FGD3: variants seen among roughly 807,000 people sequenced by gnomAD.
FGD3 encodes FYVE, RhoGEF and PH domain containing 3.
In FGD3, 45 loss-of-function variants were observed where a neutral mutation model predicts 71.8. The observed-to-expected ratio is 0.63, with a 90% CI of 0.49 to 0.80. FGD3 has a LOEUF of 0.80. FGD3 is among the 30% of genes least tolerant of loss of function. The probability of loss-of-function intolerance (pLI) is 0.00; values close to 1 mark genes in which losing one functional copy is unlikely to be tolerated. For synonymous variants in FGD3, 378 were observed against 392.8 expected, an observed-to-expected ratio of 0.96 and a Z score of 0.44; for missense variants, 844 against 951.5, an observed-to-expected ratio of 0.89 and a Z score of 1.49.
rs1389543601 is a variant in FGD3, at chr9:92,969,424, C to CT, written c.-217-5813dup. 2.0e-5 allele frequency among the ~76,000 whole-genome samples: 3 copies of CT among 152,176 alleles called. No individual in the cohort carries two copies. Among genetic ancestry groups the CT allele is most frequent in the African/African-American group, 7.2e-5 (3 of 41,444 alleles). ...AGTTACAGCGAGTCTCTTAGGGGCT[C>CT]TGTATTTAGGGGAGGGATGTCAGAG... On this transcript the variant is annotated intron_variant, in intron 1 of 17. Transcript: ENST00000375482. The surrounding 1 kb of genome is among the most constrained non-coding windows in gnomAD (Gnocchi z 4.5).
chr9:93,035,024 G>T (rs933296198), intron 17 of FGD3, among the ~76,000 whole-genome samples: 1 of 152,184 alleles, frequency 6.6e-6, no homozygotes, highest in African/African-American at 2.4e-5. Flanking sequence ...TCTGTCACAG[G>T]GGCTGGCCTG....
chr9:92,987,026 A>G (rs1860211457), intron 3 of FGD3, among the ~76,000 whole-genome samples: 1 of 152,244 alleles, frequency 6.6e-6, no homozygotes. Flanking sequence ...AAAGAGGCAG[A>G]CTTGCCTCCG....
chr9:92,985,416 C>T (rs1360947087), intron 3 of FGD3, among the ~76,000 whole-genome samples: 1 of 152,152 alleles, frequency 6.6e-6, no homozygotes. Flanking sequence ...TATTTCTTCC[C>T]AGTTAATTTT....
Position 93,004,007 on chromosome 9 carries a change from T to C in FGD3, c.550T>C (p.Cys184Arg). ...KRLHLLDQVFCTRLTDAGIPP... is the reference protein window; with the variant it reads ...KRLHLLDQVFRTRLTDAGIPP... ...TGGGCTTCTCTATGCTCAGGTTTTC[T>C]GCACCAGGCTGACGGATGCGGGGAT... The change falls in exon 5 of 18, where the codon TGC becomes CGC. Residue 184 changes from cysteine to arginine, a missense_variant. Transcript: ENST00000375482. The C allele has an allele frequency of 6.2e-7, 1 of 1,614,190 alleles. No individual in the cohort carries two copies. Among genetic ancestry groups the C allele is most frequent in the Non-Finnish European group, 8.5e-7 (1 of 1,180,036 alleles).
At position 93,028,995 on chromosome 9, in the gene FGD3, GTTT is replaced by G. The variant is rs869235976; in HGVS notation, c.1558-839_1558-837del. ...CATGGCTTCCTCACATGTCCTCACA[GTTT>G]TTTTTTTTTTTTTTTTTTTTTTTTT... On this transcript the variant is annotated intron_variant, in intron 14 of 17. Transcript: ENST00000375482. 3.2e-3 allele frequency among the ~76,000 whole-genome samples: 167 copies of G among 51,714 alleles called. 11 individuals carry two copies. Among genetic ancestry groups the G allele is most frequent in the Admixed American group, 4.1e-3 (13 of 3,152 alleles). 33.9% of individuals were successfully genotyped at this position (51,714 alleles called of 152,430 possible).
chr9:92,951,405 G>T (rs948972678), intron 1 of FGD3, among the ~76,000 whole-genome samples: 2 of 152,212 alleles, frequency 1.3e-5, no homozygotes, highest in African/African-American at 4.8e-5. Context: ...AGCCAAACAG[G>T]ATGGCTCATG....
At chr9:92,970,373 G>C (rs1032049794) in intron 1 of FGD3, among the ~76,000 whole-genome samples, 1 of 152,210 alleles carries the variant, frequency 6.6e-6, no homozygotes, top group East Asian at 1.9e-4. Flanking sequence ...CAAGCACAAG[G>C]TTGAGGACTG....
chr9:92,949,056 G>T (rs1313166821), intron 1 of FGD3, among the ~76,000 whole-genome samples: 5 of 152,152 alleles, frequency 3.3e-5, no homozygotes, highest in Admixed American at 1.3e-4. Context: ...CTTTAGTTGG[G>T]CTCCTAGGGG....
In FGD3 at chr9:92,976,217, G is replaced by A; in HGVS notation, c.-40G>A. 2 of 1,476,584 alleles carry A rather than the reference G, an allele frequency of 1.4e-6. No individual in the cohort carries two copies. The highest frequency in any genetic ancestry group is 9.0e-7 in the Non-Finnish European group (1 of 1,106,914). 91.5% of individuals were successfully genotyped at this position (1,476,584 alleles called of 1,614,324 possible). On this transcript the variant is annotated 5_prime_UTR_variant, in exon 3 of 18. Coordinates refer to ENST00000375482, the MANE Select transcript of FGD3 (RefSeq NM_001083536.2). ...TGTTTCTCCCCTACAGGAAGCCCCT[G>A]GCCAGCCTCCACCTGAGCCCAGTGA...
In FGD3 at chr9:93,003,109, C is replaced by T. The variant is rs900431511; in HGVS notation, c.543+95C>T. ...AATGACTTAAATACTAAAACTCAGA[C>T]AAATTTAAGTCTGGTCTACAAACTT... On this transcript the variant is annotated intron_variant, in intron 4 of 17. Coordinates refer to ENST00000375482, the MANE Select transcript of FGD3 (RefSeq NM_001083536.2). This position sits in a 1 kb window ranked among gnomAD's most constrained non-coding sequence, Gnocchi z 4.1. 5 of 1,170,214 alleles carry T rather than the reference C, an allele frequency of 4.3e-6. No homozygotes were observed. The African/African-American group carries it at 6.2e-5, about 15-fold the overall frequency. 72.5% of individuals were successfully genotyped at this position (1,170,214 alleles called of 1,614,324 possible).
chr9:92,959,330 A>T, intron 1 of FGD3, among the ~76,000 whole-genome samples: 1 of 152,032 alleles, frequency 6.6e-6, no homozygotes, highest in Middle Eastern at 3.4e-3. Context: ...ATTTTAGTTA[A>T]TAAAATATAA....
intron 3 of FGD3, among the ~76,000 whole-genome samples, chr9:92,996,952 T>C (rs938592162): frequency 3.9e-5 from 6 of 152,256 alleles, no homozygotes; most frequent in Non-Finnish European, 8.8e-5. Flanking sequence ...ATTTATATTC[T>C]GTTGATCTGG....
chr9:92,974,254 G>A (rs1859641091), intron 1 of FGD3, among the ~76,000 whole-genome samples: 1 of 152,070 alleles, frequency 6.6e-6, no homozygotes, highest in Admixed American at 6.5e-5. Flanking sequence ...CATTCCATCT[G>A]GTGTATTTTT....
Position 93,034,603 on chromosome 9 carries a change from C to T in FGD3, c.1848C>T (p.Ser616=), listed in dbSNP as rs781723786. 11 of 1,613,522 alleles carry T rather than the reference C, an allele frequency of 6.8e-6. No individual in the cohort carries two copies. The highest frequency in any genetic ancestry group is 1.6e-4 in the Middle Eastern group (1 of 6,062). ...GCGGCCCCCTGCGGCTGTCAGAGAG[C>T]GGTGAGACCTGGAGCGAGGTGTGGG... is the stretch of plus-strand genomic sequence containing the variant. ...LLCGPLRLSE[S]GETWSEVWAA... The change falls in exon 17 of 18, where the codon AGC becomes AGT. Residue 616 remains serine (S), a synonymous_variant. Transcript: ENST00000375482.
chr9:92,960,434 T>C (rs1249774868), intron 1 of FGD3, among the ~76,000 whole-genome samples: 1 of 152,166 alleles, frequency 6.6e-6, no homozygotes, highest in Non-Finnish European at 1.5e-5. Context: ...TTGGTAAATA[T>C]GAGCTGCCTT....
At position 93,015,793 on chromosome 9, in the gene FGD3, C is replaced by G. The variant is rs1280647633; in HGVS notation, c.1239C>G (p.Phe413Leu). The part of the protein sequence containing the change: ...VPKLRLMGQK[F>L]SVREKMDISG... ...AGCTGCGGCTCATGGGCCAGAAGTT[C>G]AGCGTCCGGGAGAAGATGGACATCT... The change falls in exon 10 of 18, where the codon TTC (phenylalanine) becomes TTG (leucine). Residue 413 changes from phenylalanine to leucine, a missense_variant. Transcript: ENST00000375482. 2.5e-6 allele frequency: 4 copies of G among 1,614,038 alleles called. No individual in the cohort carries two copies. Among genetic ancestry groups the G allele is most frequent in the Non-Finnish European group, 2.5e-6 (3 of 1,180,040 alleles).
rs944121881 is a variant in FGD3 at position 92,950,644 on chromosome 9, C to A, written c.-218+2915C>A. 5.9e-5 allele frequency among the ~76,000 whole-genome samples: 9 copies of A among 152,256 alleles called. 1 individual carries two copies. The highest frequency in any genetic ancestry group is 5.8e-4 in the East Asian group (3 of 5,190). ...GACTGATGGTGGGGAAAGAAGGGGG[C>A]AGGAGGGGTTCATTCAAGGCTGGCA... On this transcript the variant is annotated intron_variant, in intron 1 of 17. Coordinates refer to ENST00000375482, the MANE Select transcript of FGD3 (RefSeq NM_001083536.2).
At chr9:92,998,758 G>T (rs1587841358) in intron 3 of FGD3, among the ~76,000 whole-genome samples, 1 of 152,120 alleles carries the variant, frequency 6.6e-6, no homozygotes, top group Admixed American at 6.6e-5. Flanking sequence ...TGTTTGCCTG[G>T]GTATCACAAG....
In FGD3 at chr9:92,976,327, C is replaced by T. The variant is rs780346658; in HGVS notation, c.71C>T (p.Pro24Leu). 109 of 1,610,422 alleles carry T rather than the reference C, an allele frequency of 6.8e-5. No homozygotes were observed. In the South Asian group the frequency reaches 1.2e-3, roughly 18 times the overall value. ...IAALGMPDTG[P>L]GSSSLGKLQA... ...GCCCTAGGGATGCCAGACACTGGGC[C>T]TGGCAGTTCCTCCCTAGGGAAGCTT... The change falls in exon 3 of 18, where the codon CCT (proline) becomes CTT (leucine). Residue 24 changes from proline to leucine, a missense_variant. By Grantham distance (98) the Pro-to-Leu change is moderately conservative (BLOSUM62 -3). Coordinates refer to ENST00000375482, the MANE Select transcript of FGD3 (RefSeq NM_001083536.2).
Sources: allele counts gnomAD v4.1 joint callset (sites outside exome capture counted in the v4.1 genomes callset), GRCh38; gene constraint gnomAD v4.1.1; non-coding constraint Gnocchi (gnomAD v3.1); transcripts MANE v1.5; gene names NCBI Gene and HGNC (gene_info 2026-07-23, HGNC 2026-07-21).